INPP5A: variants seen among roughly 807,000 people sequenced by gnomAD.
The protein encoded by INPP5A is inositol polyphosphate-5-phosphatase A.
INPP5A carries 14 observed loss-of-function variants against 65.2 expected under a neutral mutation model. The observed-to-expected ratio is 0.21, with a 90% CI of 0.14 to 0.34. The LOEUF (loss-of-function observed/expected upper bound fraction) is 0.34, where lower values mean the gene tolerates loss of function less well. Ranked by LOEUF, INPP5A falls within the 10% of genes least tolerant of loss-of-function variation. The probability of loss-of-function intolerance (pLI) is 1.00; values close to 1 mark genes in which losing one functional copy is unlikely to be tolerated. For missense variants in INPP5A, 431 were observed against 545.6 expected, an observed-to-expected ratio of 0.79 and a Z score of 2.09; for synonymous variants, 207 against 208.3, an observed-to-expected ratio of 0.99 and a Z score of 0.05.
chr10:132,574,837 C>G (rs536622342), intron 1 of INPP5A, among the ~76,000 whole-genome samples: 3 of 151,672 alleles, frequency 2.0e-5, no homozygotes, highest in Non-Finnish European at 4.4e-5. Flanking sequence ...GGGTGTTTTT[C>G]GTTTTAAAAG....
rs12775990 is a variant in INPP5A at position 132,762,332 on chromosome 10, C to T, written c.904-3441C>T. On this transcript the variant is annotated intron_variant, in intron 11 of 15. Transcript: ENST00000368594. The surrounding 1 kb of genome is among the most constrained non-coding windows in gnomAD (Gnocchi z 4.6). The stretch of plus-strand genomic sequence containing the variant: ...GAGTGAAACAGCGGAACATCAAAGA[C>T]GAAGAGAATATTTTTGAAGCATTGT... 0.18 allele frequency among the ~76,000 whole-genome samples: 27,469 copies of T among 152,180 alleles called. 3,006 individuals carry two copies. The highest frequency in any genetic ancestry group is 0.25 in the Non-Finnish European group (16,944 of 68,016).
intron 9 of INPP5A, among the ~76,000 whole-genome samples, chr10:132,738,619 T>A (rs530353509): frequency 6.6e-6 from 1 of 152,228 alleles, no homozygotes; most frequent in East Asian, 1.9e-4. Context: ...TCTGTTGAGC[T>A]CTAGCTGGCG....
chr10:132,707,329 C>T lies in INPP5A; in HGVS notation c.475-984C>T, dbSNP rs111810493. ...GGCGGTGCCCTGCCCTGTTGGCTGC[C>T]GTTCCCCCGCCACTGCCTGAAGCGC... On this transcript the variant is annotated intron_variant, in intron 6 of 15. Transcript: ENST00000368594. This position sits in a 1 kb window ranked among gnomAD's most constrained non-coding sequence, Gnocchi z 5.5. Among the ~76,000 whole-genome samples, 13 of 149,086 alleles carry T rather than the reference C, an allele frequency of 8.7e-5. No homozygotes were observed. Among genetic ancestry groups the T allele is most frequent in the African/African-American group, 1.7e-4 (7 of 41,156 alleles).
rs563200813 is a variant in INPP5A, at chr10:132,603,524, C to G, written c.76-4391C>G. On this transcript the variant is annotated intron_variant, in intron 1 of 15. Transcript: ENST00000368594. This position sits in a 1 kb window ranked among gnomAD's most constrained non-coding sequence, Gnocchi z 4.2. ...GAGAAACAGACACTGAAGTGAAACT[C>G]AAGGAACTTCTGAATTTGAGATAAA... Among the ~76,000 whole-genome samples, 16 of 152,302 alleles carry G rather than the reference C, an allele frequency of 1.1e-4. No homozygotes were observed. The South Asian group carries it at 3.1e-3, about 30-fold the overall frequency.
At chr10:132,779,898 C>T (rs1410626279) in intron 13 of INPP5A, among the ~76,000 whole-genome samples, 8 of 152,190 alleles carry the variant, frequency 5.3e-5, no homozygotes, top group Non-Finnish European at 8.8e-5. Flanking sequence ...GTGTGCCGCA[C>T]GCTGCCTGTG....
rs1226720213 is a variant in INPP5A at position 132,555,421 on chromosome 10, CGGAAGGGGA to C, written c.75+17251_75+17259del. ...TTGAACTTCTGATAAGTTGCCTGGCCGGAAGGGGAAGAAGGGGGGCTTGGGCTGGGGCGT... is the reference window on the plus strand; with the variant it reads ...TTGAACTTCTGATAAGTTGCCTGGCCAGAAGGGGGGCTTGGGCTGGGGCGT... On this transcript the variant is annotated intron_variant, in intron 1 of 15. Coordinates refer to ENST00000368594, the MANE Select transcript of INPP5A (RefSeq NM_005539.5). The surrounding 1 kb of genome is among the most constrained non-coding windows in gnomAD (Gnocchi z 4.4). Among the ~76,000 whole-genome samples the C allele has an allele frequency of 6.6e-6, 1 of 151,866 alleles. No individual in the cohort carries two copies. Among genetic ancestry groups the C allele is most frequent in the Non-Finnish European group, 1.5e-5 (1 of 67,966 alleles).
At chr10:132,559,727 C>T (rs187285978) in intron 1 of INPP5A, among the ~76,000 whole-genome samples, 2 of 152,278 alleles carry the variant, frequency 1.3e-5, no homozygotes, top group African/African-American at 4.8e-5. Flanking sequence ...GTTCCAGGGA[C>T]TCCATTTACT....
In INPP5A at chr10:132,753,939, A is replaced by G. The variant is rs1846542943; in HGVS notation, c.903+4094A>G. 1 of 152,242 alleles carries G rather than the reference A, an allele frequency of 6.6e-6. No individual in the cohort carries two copies. The highest frequency in any genetic ancestry group is 2.1e-4 in the South Asian group (1 of 4,834). The allele number at this position is 152,242 out of a possible 1,614,324, so 9.4% of individuals were successfully genotyped here. A position where few individuals can be genotyped will look rare whatever the true frequency, so the allele number is the denominator to read the frequency against. On this transcript the variant is annotated intron_variant, in intron 11 of 15. Coordinates refer to ENST00000368594, the MANE Select transcript of INPP5A (RefSeq NM_005539.5). This position sits in a 1 kb window ranked among gnomAD's most constrained non-coding sequence, Gnocchi z 5.3. ...CGAAATTGGTGATCATGTTTGTGAA[A>G]AATCTCAGAGAGATACAAATTATCA... is the stretch of plus-strand genomic sequence containing the variant.
chr10:132,655,377 C>T (rs1024348397), intron 4 of INPP5A, among the ~76,000 whole-genome samples: 18 of 152,320 alleles, frequency 1.2e-4, no homozygotes, highest in Non-Finnish European at 2.4e-4. Context: ...GGTGCATCCT[C>T]CCACACAGGC....
chr10:132,686,187 C>T (rs992491224), intron 4 of INPP5A, among the ~76,000 whole-genome samples: 25 of 152,200 alleles, frequency 1.6e-4, no homozygotes, highest in African/African-American at 4.6e-4. Context: ...ATCGACTTTT[C>T]GGTGCCCCAG....
In INPP5A at chr10:132,547,530, G is replaced by T. The variant is rs952439012; in HGVS notation, c.75+9359G>T. ...AGGGAGTGCCCGCCTCTGCCCACCT[G>T]CCTGGCATCTGGGGTTCCCGGGAGG... is the stretch of plus-strand genomic sequence containing the variant. On this transcript the variant is annotated intron_variant, in intron 1 of 15. Coordinates refer to ENST00000368594, the MANE Select transcript of INPP5A (RefSeq NM_005539.5). The surrounding 1 kb of genome is among the most constrained non-coding windows in gnomAD (Gnocchi z 5.5). Among the ~76,000 whole-genome samples the T allele has an allele frequency of 1.3e-5, 2 of 152,178 alleles. No homozygotes were observed. Among genetic ancestry groups the T allele is most frequent in the African/African-American group, 4.8e-5 (2 of 41,448 alleles).
chr10:132,607,856 C>T, intron 1 of INPP5A, 59 bp from the exon 2 acceptor site: 4 of 1,515,786 alleles, frequency 2.6e-6, no homozygotes, highest in Admixed American at 1.7e-5. Context: ...CTTGTCCTGG[C>T]TCTGTTTAGG....
Position 132,551,600 on chromosome 10 carries a change from C to T in INPP5A, c.75+13429C>T, listed in dbSNP as rs750287515. Among the ~76,000 whole-genome samples the T allele has an allele frequency of 7.2e-5, 11 of 152,322 alleles. No homozygotes were observed. The highest frequency in any genetic ancestry group is 3.4e-3 in the Middle Eastern group (1 of 294). Reference sequence around the variant, plus strand: ...GACTTGCTTTAATTTTCTCCATCACCGTTACGGTTTTTCAGAGCTGTTGCA... The same window carrying T: ...GACTTGCTTTAATTTTCTCCATCACTGTTACGGTTTTTCAGAGCTGTTGCA... On this transcript the variant is annotated intron_variant, in intron 1 of 15. Coordinates refer to ENST00000368594, the MANE Select transcript of INPP5A (RefSeq NM_005539.5). This position sits in a 1 kb window ranked among gnomAD's most constrained non-coding sequence, Gnocchi z 5.3.
chr10:132,619,263 G>A (rs576580391), intron 2 of INPP5A, among the ~76,000 whole-genome samples: 22 of 152,368 alleles, frequency 1.4e-4, no homozygotes, highest in African/African-American at 5.3e-4. Context: ...AAAGAAATGG[G>A]CTATAGCCCC....
rs1384955040 is a variant in INPP5A, at chr10:132,551,650, T to C, written c.75+13479T>C. 3.3e-5 allele frequency among the ~76,000 whole-genome samples: 5 copies of C among 152,194 alleles called. No homozygotes were observed. Among genetic ancestry groups the C allele is most frequent in the Non-Finnish European group, 1.5e-5 (1 of 68,036 alleles). On this transcript the variant is annotated intron_variant, in intron 1 of 15. Transcript: ENST00000368594. The surrounding 1 kb of genome is among the most constrained non-coding windows in gnomAD (Gnocchi z 5.3). ...AACTTCCTGTTTGCTGTAACGGCTGTGCCTCCCTCGCTGCTGCAGTGGGCA... is the reference window on the plus strand; with the variant it reads ...AACTTCCTGTTTGCTGTAACGGCTGCGCCTCCCTCGCTGCTGCAGTGGGCA...
chr10:132,719,039 G>A (rs1157473574), intron 8 of INPP5A, among the ~76,000 whole-genome samples: 1 of 146,336 alleles, frequency 6.8e-6, no homozygotes, highest in East Asian at 2.1e-4. Context: ...TGTGGTACCT[G>A]GGTTCTGTCT....
intron 11 of INPP5A, among the ~76,000 whole-genome samples, chr10:132,756,280 G>C (rs535925417): frequency 9.9e-5 from 15 of 152,040 alleles, no homozygotes; most frequent in Admixed American, 9.2e-4. Context: ...GTACGCATGC[G>C]TGTGCATGTG....
intron 13 of INPP5A, among the ~76,000 whole-genome samples, chr10:132,778,388 C>G (rs990255038): frequency 7.3e-6 from 1 of 136,712 alleles, no homozygotes; most frequent in Non-Finnish European, 1.5e-5. Context: ...TCTCAAATTC[C>G]TGGGCTCCAG....
At chr10:132,771,447 C>T (rs552319171) in intron 12 of INPP5A, among the ~76,000 whole-genome samples, 377 of 152,360 alleles carry the variant, frequency 2.5e-3, no homozygotes, top group African/African-American at 7.3e-3. Context: ...TTGCCACATC[C>T]GTGCAATGCC....
Sources: allele counts gnomAD v4.1 joint callset (sites outside exome capture counted in the v4.1 genomes callset), GRCh38; gene constraint gnomAD v4.1.1; non-coding constraint Gnocchi (gnomAD v3.1); transcripts MANE v1.5; gene names NCBI Gene and HGNC (gene_info 2026-07-23, HGNC 2026-07-21).